Variants in SCFD2 observed in about 807,000 individuals in gnomAD.
SCFD2 encodes sec1 family domain-containing protein 2.
A neutral mutation model predicts 58.9 loss-of-function variants in SCFD2; 54 were observed. The ratio of observed to expected loss-of-function variants is 0.92; its 90% CI spans 0.74 to 1.15. The LOEUF (loss-of-function observed/expected upper bound fraction) is 1.15, where lower values mean the gene tolerates loss of function less well. SCFD2 is among the 50% of genes most tolerant of loss of function. The pLI, the probability that SCFD2 is intolerant of heterozygous loss-of-function variation, is 0.00. For synonymous variants in SCFD2, 321 were observed against 335.9 expected (o/e 0.96, Z 0.49); for missense variants, 805 against 836.6 (o/e 0.96, Z 0.47).
intron 4 of SCFD2, among the ~76,000 whole-genome samples, chr4:53,171,559 G>C (rs1203913921): frequency 1.3e-5 from 2 of 152,146 alleles, no homozygotes; most frequent in Admixed American, 1.3e-4. Flanking sequence ...TTTTTTCAAA[G>C]AGTTTGGGAA....
At chr4:52,988,841 G>A (rs1721556869) in intron 5 of SCFD2, among the ~76,000 whole-genome samples, 1 of 152,164 alleles carries the variant, frequency 6.6e-6, no homozygotes, top group East Asian at 1.9e-4. Context: ...TAATCTTGCT[G>A]TCTCCCCCAC....
intron 2 of SCFD2, among the ~76,000 whole-genome samples, chr4:53,338,235 A>G (rs917993631): frequency 1.3e-5 from 2 of 152,258 alleles, no homozygotes; most frequent in African/African-American, 4.8e-5. Context: ...TTGGCATAGC[A>G]GCAATGAGAA....
chr4:52,940,856 G>A (rs954973510), intron 5 of SCFD2, among the ~76,000 whole-genome samples: 2 of 152,174 alleles, frequency 1.3e-5, no homozygotes, highest in African/African-American at 4.8e-5. Context: ...GTAGGAATGA[G>A]CATGTTCTTT....
chr4:53,299,169 C>A (rs1732167918), intron 3 of SCFD2, among the ~76,000 whole-genome samples: 2 of 152,032 alleles, frequency 1.3e-5, no homozygotes, highest in Admixed American at 6.6e-5. Context: ...GAAGTTCGAA[C>A]CAATGGCAAA....
At chr4:53,026,415 T>C (rs1722475692) in intron 5 of SCFD2, among the ~76,000 whole-genome samples, 2 of 152,338 alleles carry the variant, frequency 1.3e-5, no homozygotes, top group South Asian at 4.1e-4. Flanking sequence ...AGGTATTTGT[T>C]GGCTAAACAG....
chr4:52,977,765 A>AT (rs888946926), intron 5 of SCFD2, among the ~76,000 whole-genome samples: 6 of 152,130 alleles, frequency 3.9e-5, no homozygotes, highest in African/African-American at 1.4e-4. Flanking sequence ...AGCCTTGCTC[A>AT]TTTTTCAGGT....
chr4:52,885,686 C>G (rs1389175614), intron 8 of SCFD2, 61 bp downstream of exon 8: 8 of 1,599,900 alleles, frequency 5.0e-6, no homozygotes, highest in Non-Finnish European at 6.8e-6. Context: ...GTGGAGGGCC[C>G]TCACCCACCC....
At chr4:53,021,958 A>G (rs182875626) in intron 5 of SCFD2, among the ~76,000 whole-genome samples, 14 of 152,262 alleles carry the variant, frequency 9.2e-5, no homozygotes, top group Non-Finnish European at 1.5e-4. Flanking sequence ...TTCTACCCCA[A>G]TGACTGGATG....
At chr4:53,023,232 A>G (rs147171139) in intron 5 of SCFD2, among the ~76,000 whole-genome samples, 1 of 152,236 alleles carries the variant, frequency 6.6e-6, no homozygotes, top group East Asian at 1.9e-4. Flanking sequence ...TTCTGATTTG[A>G]ATTTGCTCCC....
intron 4 of SCFD2, among the ~76,000 whole-genome samples, chr4:53,176,190 T>C (rs1400800908): frequency 6.6e-6 from 1 of 152,216 alleles, no homozygotes; most frequent in Non-Finnish European, 1.5e-5. Flanking sequence ...CCAGATACAT[T>C]ATAGCCTACC....
intron 5 of SCFD2, among the ~76,000 whole-genome samples, chr4:53,050,805 T>C (rs1723168478): frequency 6.6e-6 from 1 of 152,174 alleles, no homozygotes; most frequent in African/African-American, 2.4e-5. Context: ...TCTCTTCTCT[T>C]TGGGCTTCAG....
chr4:53,016,600 C>T (rs1370497416), intron 5 of SCFD2, among the ~76,000 whole-genome samples: 6 of 152,070 alleles, frequency 3.9e-5, no homozygotes. Context: ...CATGAGTATT[C>T]GAAATATTCT....
At chr4:53,237,932 G>T (rs1374549652) in intron 4 of SCFD2, among the ~76,000 whole-genome samples, 1 of 122,846 alleles carries the variant, frequency 8.1e-6, no homozygotes, top group Non-Finnish European at 1.8e-5. Flanking sequence ...CCTTCCGGAC[G>T]GGGCGGCTGG....
intron 7 of SCFD2, among the ~76,000 whole-genome samples, chr4:52,899,484 C>T (rs1180754993): frequency 6.6e-6 from 1 of 152,236 alleles, no homozygotes; most frequent in Non-Finnish European, 1.5e-5. Context: ...GGCCCCCACT[C>T]TCTTCTGGCT....
intron 5 of SCFD2, chr4:52,958,098 A>G (rs1720752962): frequency 6.6e-6 from 1 of 152,222 alleles, no homozygotes; most frequent in South Asian, 2.1e-4. Context: ...AAAGGAAAAA[A>G]CGTTCATTTT....
At chr4:52,993,837 A>C (rs897447811) in intron 5 of SCFD2, among the ~76,000 whole-genome samples, 1 of 152,352 alleles carries the variant, frequency 6.6e-6, no homozygotes, top group African/African-American at 2.4e-5. Flanking sequence ...CTTAGTAATA[A>C]ATAGCCTCAG....
intron 4 of SCFD2, among the ~76,000 whole-genome samples, chr4:53,247,255 G>A (rs1253642398): frequency 6.6e-6 from 1 of 152,120 alleles, no homozygotes; most frequent in African/African-American, 2.4e-5. Flanking sequence ...CAAAAAACAG[G>A]TGCTGGTGAG....
chr4:53,313,877 A>G (rs911868186), intron 2 of SCFD2, 114 bp from the exon 3 acceptor site: 2 of 840,212 alleles, frequency 2.4e-6, no homozygotes, highest in African/African-American at 1.7e-5. Flanking sequence ...AGTCTTTCCT[A>G]CTGATAGACT....
intron 1 of SCFD2, among the ~76,000 whole-genome samples, chr4:53,354,068 T>C (rs1577999167): frequency 6.6e-6 from 1 of 152,260 alleles, no homozygotes; most frequent in East Asian, 1.9e-4. Context: ...CCACCAGTCC[T>C]GCACCACGTG....
Sources: gnomAD v4.1 joint callset for allele counts (sites outside exome capture counted in the v4.1 genomes callset) on GRCh38, gnomAD v4.1.1 for gene constraint, MANE v1.5 for transcripts, NCBI Gene and HGNC (gene_info 2026-07-23, HGNC 2026-07-21) for gene names.